The following MEIS3 variants were observed in gnomAD, a reference collection of about 807,000 sequenced individuals.
The protein encoded by MEIS3 is homeobox protein Meis3.
Under a neutral mutation model 51.4 loss-of-function variants are expected in MEIS3, and 38 were observed. That is an observed-to-expected ratio of 0.74 (90% confidence interval 0.57 to 0.97). The LOEUF is 0.97. Among genes scored for constraint, MEIS3 ranks in the 50% least tolerant of loss-of-function variants. The pLI, the probability that MEIS3 is intolerant of heterozygous loss-of-function variation, is 0.00. For synonymous variants in MEIS3, 198 were observed against 201.8 expected (o/e 0.98, Z 0.16); for missense variants, 456 against 502.6 (o/e 0.91, Z 0.89).
intron 2 of MEIS3, 101 bp downstream of exon 2, chr19:47,417,077 C>G (rs1032269019): frequency 3.9e-6 from 6 of 1,536,160 alleles, no homozygotes; most frequent in Admixed American, 2.3e-5. Context: ...GGGAAGGAGA[C>G]AGAGACTCGT....
intron 8 of MEIS3, 36 bp from the exon 9 acceptor site, chr19:47,407,464 G>T: frequency 6.2e-7 from 1 of 1,613,746 alleles, no homozygotes. Flanking sequence ...TGCCTGCCTG[G>T]CCGGCCGCAG....
At chr19:47,414,609 G>C in intron 6 of MEIS3, 108 bp downstream of exon 6, 1 of 1,329,262 alleles carries the variant, frequency 7.5e-7, no homozygotes, top group Non-Finnish European at 1.0e-6. Context: ...CCTGTGATCA[G>C]GCTGACTGTG....
chr19:47,404,839 C>T (rs1970743097), intron 12 of MEIS3, among the ~76,000 whole-genome samples: 1 of 152,228 alleles, frequency 6.6e-6, no homozygotes, highest in African/African-American at 2.4e-5. Context: ...ATGGGTCTGT[C>T]CCCTTCACTA....
intron 5 of MEIS3, 65 bp from the exon 6 acceptor site, chr19:47,414,931 G>T (rs1357245634): frequency 8.3e-7 from 1 of 1,203,834 alleles, no homozygotes; most frequent in East Asian, 2.5e-5. Context: ...GCTCAGGGAC[G>T]GGGGCGGCAT....
intron 6 of MEIS3, among the ~76,000 whole-genome samples, chr19:47,412,000 A>G (rs1261152642): frequency 6.6e-6 from 1 of 150,958 alleles, no homozygotes; most frequent in East Asian, 2.0e-4. Flanking sequence ...CGCCTGGCTA[A>G]TTTTTCTTAT....
Position 47,417,288 on chromosome 19 carries a change from T to C in MEIS3, c.75A>G (p.Pro25=). The change falls in exon 2 of 13, where the codon CCA becomes CCG. Residue 25 remains proline (P), a synonymous_variant. Transcript: ENST00000558555. Reference sequence around the variant, plus strand: ...GCCCTGGTACTGCGGGCACTGTCTCTGGGAAGCTAGCCAGGGCTGCGGGGC... The same window carrying C: ...GCCCTGGTACTGCGGGCACTGTCTCCGGGAAGCTAGCCAGGGCTGCGGGGC... ...VDGPAALASF[P]ETVPAVPGPY... The C allele has an allele frequency of 6.2e-7, 1 of 1,613,478 alleles. No homozygotes were observed. Among genetic ancestry groups the C allele is most frequent in the Non-Finnish European group, 8.5e-7 (1 of 1,179,768 alleles).
chr19:47,413,440 CTGGCTG>C (rs1971238210), intron 6 of MEIS3, among the ~76,000 whole-genome samples: 1 of 151,046 alleles, frequency 6.6e-6, no homozygotes, highest in Non-Finnish European at 1.5e-5. Context: ...CTGGGTGGGT[CTGGCTG>C]TGGCGTGGTC....
chr19:47,418,067 G>GGA (rs1477012769), intron 1 of MEIS3: 1 of 251,082 alleles, frequency 4.0e-6, no homozygotes, highest in Non-Finnish European at 7.7e-6. Context: ...ACTTGTTGCC[G>GGA]GAGAGGGTCA....
intron 6 of MEIS3, among the ~76,000 whole-genome samples, chr19:47,410,300 T>C (rs1389167270): frequency 2.0e-5 from 3 of 151,784 alleles, no homozygotes; most frequent in Admixed American, 1.3e-4. Context: ...ATACAAAAAT[T>C]AGCTGGGCAT....
chr19:47,414,394 C>T (rs923285278), intron 6 of MEIS3, among the ~76,000 whole-genome samples: 2 of 151,960 alleles, frequency 1.3e-5, no homozygotes, highest in Non-Finnish European at 2.9e-5. Context: ...TGTGTGAGTA[C>T]CCGGTGGACG....
intron 9 of MEIS3, 26 bp from the exon 10 acceptor site, chr19:47,407,163 G>C (rs993182098): frequency 7.5e-6 from 12 of 1,601,878 alleles, no homozygotes; most frequent in Non-Finnish European, 1.0e-5. Flanking sequence ...GGAAACGGAG[G>C]GGAATGAAAA....
At chr19:47,420,940 A>ACACACACACACACACACTCTCTCT (rs1187725467), upstream of MEIS3, among the ~76,000 whole-genome samples, 2 of 90,968 alleles carry the variant, frequency 2.2e-5, no homozygotes, top group Admixed American at 1.1e-4. Context: ...ACACACACAC[A>ACACACACACACACACACTCTCTCT]CTCTCTCTCT....
chr19:47,420,940 A>ACCCTCT (rs1187725467), upstream of MEIS3, among the ~76,000 whole-genome samples: 1 of 90,972 alleles, frequency 1.1e-5, no homozygotes, highest in South Asian at 3.8e-4. Flanking sequence ...ACACACACAC[A>ACCCTCT]CTCTCTCTCT....
At chr19:47,418,864 G>C in intron 1 of MEIS3, 1 of 395,422 alleles carries the variant, frequency 2.5e-6, no homozygotes, top group Non-Finnish European at 4.4e-6. Flanking sequence ...GGGAGGAGGC[G>C]AGGCCGAGGG....
intron 12 of MEIS3, among the ~76,000 whole-genome samples, chr19:47,404,864 T>C (rs1970744135): frequency 6.6e-6 from 1 of 152,204 alleles, no homozygotes; most frequent in African/African-American, 2.4e-5. Context: ...TTGTGCCCCA[T>C]GAGGGCAGGG....
chr19:47,410,351 G>T (rs1484292841), intron 6 of MEIS3, among the ~76,000 whole-genome samples: 1 of 151,866 alleles, frequency 6.6e-6, no homozygotes, highest in Non-Finnish European at 1.5e-5. Flanking sequence ...GGGAGGCTGA[G>T]GCGGGAGAAT....
In MEIS3 at chr19:47,417,295, C is replaced by G; in HGVS notation, c.68G>C (p.Ser23Thr). 2 of 1,613,694 alleles carry G rather than the reference C, an allele frequency of 1.2e-6. No homozygotes were observed. The highest frequency in any genetic ancestry group is 1.7e-6 in the Non-Finnish European group (2 of 1,179,852). Residue 23 changes from serine to threonine, a missense_variant, in exon 2 of 13, where the codon AGC becomes ACC. Ser to Thr is a moderately conservative substitution (Grantham distance 58, BLOSUM62 1). Coordinates refer to ENST00000558555, the MANE Select transcript of MEIS3 (RefSeq NM_001301059.2). ...GIVDGPAALASFPETVPAVPG... is the reference protein window; with the variant it reads ...GIVDGPAALATFPETVPAVPG... ...TACTGCGGGCACTGTCTCTGGGAAG[C>G]TAGCCAGGGCTGCGGGGCCATCCAC...
Position 47,416,796 on chromosome 19 carries a change from GTGCCCACCTGCTTGGCAAAGGCAGC to G in MEIS3, c.328_345+7del. 1 of 1,613,384 alleles carries G rather than the reference GTGCCCACCTGCTTGGCAAAGGCAGC, an allele frequency of 6.2e-7. No homozygotes were observed. Among genetic ancestry groups the G allele is most frequent in the Middle Eastern group, 1.7e-4 (1 of 6,048 alleles). On this transcript the variant is annotated splice_donor_variant and splice_donor_5th_base_variant and coding_sequence_variant and intron_variant, in exon 3 of 13. Coordinates refer to ENST00000558555, the MANE Select transcript of MEIS3 (RefSeq NM_001301059.2). LOFTEE classifies it high-confidence loss of function. ...TGACTCGGTGTGTGGTGGGTGGGAG[GTGCCCACCTGCTTGGCAAAGGCAGC>G]GATGTCCTCGTTGAAGGAATCAGAG...
At chr19:47,417,562 A>G in intron 1 of MEIS3, 1 of 711,180 alleles carries the variant, frequency 1.4e-6, no homozygotes, top group Middle Eastern at 2.3e-4. Context: ...CCGTCCAGGC[A>G]GAGATTCCTG....
Sources: allele counts gnomAD v4.1 joint callset (sites outside exome capture counted in the v4.1 genomes callset), GRCh38; gene constraint gnomAD v4.1.1; transcripts MANE v1.5; gene names NCBI Gene and HGNC (gene_info 2026-07-23, HGNC 2026-07-21).